AGAP1: variants seen among roughly 807,000 people sequenced by gnomAD.
AGAP1 encodes the protein ArfGAP with GTPase domain, ankyrin repeat and PH domain 1.
Under a neutral mutation model 105.3 loss-of-function variants are expected in AGAP1, and 29 were observed. That is an observed-to-expected ratio of 0.28 (90% CI 0.21 to 0.38). The LOEUF is 0.38. Among genes scored for constraint, AGAP1 ranks in the 10% least tolerant of loss-of-function variants. AGAP1 has a pLI of 1.00. For synonymous variants in AGAP1, 509 were observed against 485.9 expected, an observed-to-expected ratio of 1.05 and a Z score of -0.63; for missense variants, 998 against 1,165.1, an observed-to-expected ratio of 0.86 and a Z score of 2.09.
At chr2:235,928,498 A>G (rs974993214) in intron 11 of AGAP1, among the ~76,000 whole-genome samples, 5 of 152,284 alleles carry the variant, frequency 3.3e-5, no homozygotes, top group Admixed American at 1.3e-4. Flanking sequence ...TCTCTCCTTT[A>G]GATTCCTGCC....
chr2:235,605,954 T>C (rs1025223369), intron 1 of AGAP1, among the ~76,000 whole-genome samples: 1 of 152,266 alleles, frequency 6.6e-6, no homozygotes, highest in African/African-American at 2.4e-5. Context: ...TGTGTTTGCC[T>C]GGTGAAATTA....
chr2:236,116,541 G>T (rs922714075), intron 16 of AGAP1, among the ~76,000 whole-genome samples: 1 of 150,756 alleles, frequency 6.6e-6, no homozygotes, highest in Non-Finnish European at 1.5e-5. Flanking sequence ...TAGAGACAGG[G>T]TTTCACCATG....
chr2:235,677,098 T>C (rs904538420), intron 1 of AGAP1, among the ~76,000 whole-genome samples: 1 of 152,258 alleles, frequency 6.6e-6, no homozygotes. Flanking sequence ...GATACTTGCA[T>C]TCACGTTTGC....
intron 1 of AGAP1, among the ~76,000 whole-genome samples, chr2:235,677,991 C>CAG (rs1236389550): frequency 6.7e-5 from 8 of 118,766 alleles, no homozygotes; most frequent in Non-Finnish European, 8.4e-5. Context: ...ATATGCAAAG[C>CAG]AGAGTTTTGG....
At position 235,582,156 on chromosome 2, in the gene AGAP1, A is replaced by G. The variant is rs767048742; in HGVS notation, c.163+87307A>G. Among the ~76,000 whole-genome samples, 3 of 152,150 alleles carry G rather than the reference A, an allele frequency of 2.0e-5. No individual in the cohort carries two copies. The highest frequency in any genetic ancestry group is 4.4e-5 in the Non-Finnish European group (3 of 68,026). Reference sequence around the variant, plus strand: ...CGAGGAGCAGAGACCCCTGGATCCTAGTGGTGGCCCCTGGTCACCAGATGT... The same window carrying G: ...CGAGGAGCAGAGACCCCTGGATCCTGGTGGTGGCCCCTGGTCACCAGATGT... On this transcript the variant is annotated intron_variant, in intron 1 of 17. Transcript: ENST00000304032. This position sits in a 1 kb window ranked among gnomAD's most constrained non-coding sequence, Gnocchi z 4.7.
chr2:235,915,987 T>A (rs1359977283), intron 11 of AGAP1, among the ~76,000 whole-genome samples: 3 of 152,158 alleles, frequency 2.0e-5, no homozygotes, highest in Non-Finnish European at 4.4e-5. Flanking sequence ...CAACATGCAT[T>A]CTTAAATATA....
At chr2:235,929,498 ATCTTT>A (rs1484385863) in intron 11 of AGAP1, among the ~76,000 whole-genome samples, 2 of 152,052 alleles carry the variant, frequency 1.3e-5, no homozygotes, top group East Asian at 3.9e-4. Context: ...TAAAATAGGT[ATCTTT>A]TCTTTTTTTT....
At chr2:235,913,541 C>G (rs1309674128) in intron 11 of AGAP1, among the ~76,000 whole-genome samples, 1 of 152,134 alleles carries the variant, frequency 6.6e-6, no homozygotes, top group African/African-American at 2.4e-5. Flanking sequence ...CAGATGTGTT[C>G]CGAGACCTGG....
At chr2:235,504,679 A>G (rs1047462165) in intron 1 of AGAP1, among the ~76,000 whole-genome samples, 1 of 151,960 alleles carries the variant, frequency 6.6e-6, no homozygotes, top group Non-Finnish European at 1.5e-5. Flanking sequence ...GCTGCTCGTG[A>G]AGCCGCTCCT....
chr2:235,568,194 G>A (rs1944408057), intron 1 of AGAP1, among the ~76,000 whole-genome samples: 1 of 152,132 alleles, frequency 6.6e-6, no homozygotes, highest in South Asian at 2.1e-4. Context: ...TTGTCAGATC[G>A]AGGCCCACAT....
At chr2:235,656,727 TCCATCTGTAAGGGCGCA>T (rs1397721081) in intron 1 of AGAP1, among the ~76,000 whole-genome samples, 1 of 152,194 alleles carries the variant, frequency 6.6e-6, no homozygotes, top group Non-Finnish European at 1.5e-5. Context: ...TCACCATTGC[TCCATCTGTAAGGGCGCA>T]CCCTTCTGTA....
At chr2:236,081,397 C>T (rs191792437) in intron 16 of AGAP1, among the ~76,000 whole-genome samples, 32 of 152,268 alleles carry the variant, frequency 2.1e-4, no homozygotes, top group Admixed American at 9.8e-4. Flanking sequence ...GTGTCTGAAC[C>T]GCGCTGCATT....
chr2:235,590,313 A>G (rs938578476), intron 1 of AGAP1, among the ~76,000 whole-genome samples: 6 of 152,226 alleles, frequency 3.9e-5, no homozygotes, highest in African/African-American at 1.4e-4. Context: ...TCTCTGCCCA[A>G]AGATAAATAT....
rs1206261358 is a variant in AGAP1, at chr2:235,901,273, C to G, written c.1156-7465C>G. Among the ~76,000 whole-genome samples the G allele has an allele frequency of 6.6e-6, 1 of 150,654 alleles. No individual in the cohort carries two copies. Among genetic ancestry groups the G allele is most frequent in the East Asian group, 1.9e-4 (1 of 5,172 alleles). On this transcript the variant is annotated intron_variant, in intron 10 of 17. Transcript: ENST00000304032. This position sits in a 1 kb window ranked among gnomAD's most constrained non-coding sequence, Gnocchi z 4.3. ...AGTAGTGAACTTTACAATGGCTTCT[C>G]TTACATACTTTTTTTTTTTTGAGCC...
At position 235,599,643 on chromosome 2, in the gene AGAP1, G is replaced by C. The variant is rs1024784662; in HGVS notation, c.163+104794G>C. 3.9e-5 allele frequency among the ~76,000 whole-genome samples: 6 copies of C among 151,902 alleles called. No individual in the cohort carries two copies. Among genetic ancestry groups the C allele is most frequent in the Non-Finnish European group, 8.8e-5 (6 of 67,812 alleles). On this transcript the variant is annotated intron_variant, in intron 1 of 17. Coordinates refer to ENST00000304032, the MANE Select transcript of AGAP1 (RefSeq NM_001037131.3). The surrounding 1 kb of genome is among the most constrained non-coding windows in gnomAD (Gnocchi z 5.3). ...CTCCGGAAGTTCCTGGGAGTGGCTC[G>C]TAGAGCCTGTTTTCATCCTTCAGAG...
intron 1 of AGAP1, among the ~76,000 whole-genome samples, chr2:235,651,183 TCAAAAAAAAAAAAAAA>T (rs1201653016): frequency 3.2e-5 from 1 of 30,864 alleles, no homozygotes; most frequent in African/African-American, 1.3e-4. Flanking sequence ...AAACTCCATC[TCAAAAAAAAAAAAAAA>T]AAAAAAAAAA....
chr2:236,036,276 G>A lies in AGAP1; in HGVS notation c.1646-285G>A, dbSNP rs577648998. On this transcript the variant is annotated intron_variant, in intron 13 of 17. Coordinates refer to ENST00000304032, the MANE Select transcript of AGAP1 (RefSeq NM_001037131.3). This position sits in a 1 kb window ranked among gnomAD's most constrained non-coding sequence, Gnocchi z 5.7. ...TGGTTATTCTCCTAAGTTGCTTTGT[G>A]TGTGCACCACACAGAGACGCTGACA... Among the ~76,000 whole-genome samples the A allele has an allele frequency of 6.6e-6, 1 of 152,322 alleles. No individual in the cohort carries two copies. The highest frequency in any genetic ancestry group is 2.4e-5 in the African/African-American group (1 of 41,578).
intron 6 of AGAP1, among the ~76,000 whole-genome samples, chr2:235,776,260 G>C (rs568595281): frequency 6.6e-6 from 1 of 152,266 alleles, no homozygotes; most frequent in East Asian, 1.9e-4. Context: ...AGGCCTCGCA[G>C]GGGTGGTCAG....
chr2:235,802,935 ATGGTTGTAATGG>A, intron 8 of AGAP1, among the ~76,000 whole-genome samples: 1 of 14,862 alleles, frequency 6.7e-5, no homozygotes, highest in East Asian at 2.1e-3. Flanking sequence ...TGTGGTTATG[ATGGTTGTAATGG>A]TGGTGATGAT....
Sources: allele counts gnomAD v4.1 joint callset (sites outside exome capture counted in the v4.1 genomes callset), GRCh38; gene constraint gnomAD v4.1.1; non-coding constraint Gnocchi (gnomAD v3.1); transcripts MANE v1.5; gene names NCBI Gene and HGNC (gene_info 2026-07-23, HGNC 2026-07-21).